The following NEK1 variants were observed in gnomAD, a reference collection of about 807,000 sequenced individuals.
NEK1 encodes serine/threonine-protein kinase Nek1.
Under a neutral mutation model 182.1 loss-of-function variants are expected in NEK1, and 137 were observed. That is an observed-to-expected ratio of 0.75 (90% CI 0.65 to 0.87). NEK1 has a LOEUF of 0.87. Ranked by LOEUF, NEK1 falls within the 40% of genes least tolerant of loss-of-function variation. The pLI is 0.00. For synonymous variants in NEK1, 513 were observed against 492.2 expected (o/e 1.04, Z -0.56); for missense variants, 1,391 against 1,494.4 (o/e 0.93, Z 1.14).
chr4:169,473,680 T>G (rs1579985096), intron 26 of NEK1, among the ~76,000 whole-genome samples: 1 of 151,374 alleles, frequency 6.6e-6, no homozygotes, highest in South Asian at 2.1e-4. Flanking sequence ...AGGCCAGGAG[T>G]TTGAGACCAG....
intron 29 of NEK1, among the ~76,000 whole-genome samples, chr4:169,430,015 A>C (rs1164319142): frequency 3.9e-5 from 6 of 152,192 alleles, no homozygotes; most frequent in African/African-American, 1.2e-4. Flanking sequence ...TATTTGTCCC[A>C]AAAGCAGGTA....
intron 11 of NEK1, among the ~76,000 whole-genome samples, chr4:169,580,328 C>T (rs1325545513): frequency 2.6e-5 from 4 of 151,676 alleles, no homozygotes; most frequent in Non-Finnish European, 4.4e-5. Context: ...GAAACCCCAT[C>T]TCTACTAAAA....
intron 19 of NEK1, among the ~76,000 whole-genome samples, chr4:169,514,100 C>T (rs1410503942): frequency 6.6e-6 from 1 of 151,940 alleles, no homozygotes; most frequent in East Asian, 1.9e-4. Flanking sequence ...ATTCTCCTGC[C>T]TGAGCCTCCT....
intron 12 of NEK1, among the ~76,000 whole-genome samples, chr4:169,567,014 T>C (rs953922181): frequency 1.3e-5 from 2 of 151,696 alleles, no homozygotes; most frequent in Non-Finnish European, 2.9e-5. Context: ...TGCTTGAGCC[T>C]GGGAGGTGGA....
At position 169,477,329 on chromosome 4, in the gene NEK1, T is replaced by A; in HGVS notation, c.2229A>T (p.Arg743Ser). 6.3e-7 allele frequency: 1 copy of A among 1,576,048 alleles called. No homozygotes were observed. The highest frequency in any genetic ancestry group is 8.6e-7 in the Non-Finnish European group (1 of 1,159,028). Reference protein sequence around the residue: ...AISSKREILRRLNENLKAQED... With the variant: ...AISSKREILRSLNENLKAQED... The stretch of plus-strand genomic sequence containing the variant: ...CTTGAGCTTTAAGATTTTCATTTAA[T>A]CTACGAAGTATTTCTCGCTTACTCT... Residue 743 changes from arginine (R) to serine (S), a missense_variant, in exon 26 of 36, where the codon AGA (arginine) becomes AGT (serine). Transcript: ENST00000507142.
chr4:169,446,194 A>G (rs1458921484), intron 27 of NEK1, among the ~76,000 whole-genome samples: 1 of 152,136 alleles, frequency 6.6e-6, no homozygotes, highest in East Asian at 1.9e-4. Flanking sequence ...AGAAGAAATA[A>G]TAATCAAGCA....
chr4:169,546,485 A>T (rs971954485), intron 18 of NEK1, among the ~76,000 whole-genome samples: 2 of 152,144 alleles, frequency 1.3e-5, no homozygotes, highest in Non-Finnish European at 2.9e-5. Flanking sequence ...AGTTCTGTAG[A>T]TGTCTATTAG....
At chr4:169,562,455 G>A (rs1248140780) in intron 12 of NEK1, among the ~76,000 whole-genome samples, 1 of 152,050 alleles carries the variant, frequency 6.6e-6, no homozygotes, top group Non-Finnish European at 1.5e-5. Context: ...AGGTATGGAT[G>A]TTTAAGTTTT....
chr4:169,603,634 T>C (rs1770848506), intron 2 of NEK1, among the ~76,000 whole-genome samples: 1 of 151,998 alleles, frequency 6.6e-6, no homozygotes, highest in South Asian at 2.1e-4. Context: ...ATGGGGAAAA[T>C]GGTGTTTCGT....
intron 12 of NEK1, among the ~76,000 whole-genome samples, chr4:169,569,099 A>T (rs539788264): frequency 9.2e-5 from 14 of 152,320 alleles, no homozygotes; most frequent in Non-Finnish European, 2.1e-4. Flanking sequence ...TAAAATACAT[A>T]CTTCACAGAA....
At position 169,477,129 on chromosome 4, in the gene NEK1, G is replaced by A; in HGVS notation, c.2429C>T (p.Thr810Ile). Residue 810 changes from threonine (T) to isoleucine (I), a missense_variant, in exon 26 of 36, where the codon ACT becomes ATT. Thr to Ile is a moderately conservative substitution (Grantham distance 89). Coordinates refer to ENST00000507142, the MANE Select transcript of NEK1 (RefSeq NM_001199397.3). ...ELTLDTSFSTTERHTVGEVIK... is the reference protein window; with the variant it reads ...ELTLDTSFSTIERHTVGEVIK... ...TAATATACTACTATACATACTTTCA[G>A]TTGTAGAGAAGGATGTATCTAGTGT... 1 of 1,585,280 alleles carries A rather than the reference G, an allele frequency of 6.3e-7. No individual in the cohort carries two copies. The highest frequency in any genetic ancestry group is 1.1e-5 in the South Asian group (1 of 87,402).
chr4:169,526,333 T>TA (rs1017032843), intron 19 of NEK1, among the ~76,000 whole-genome samples: 15 of 152,002 alleles, frequency 9.9e-5, no homozygotes, highest in African/African-American at 3.6e-4. Flanking sequence ...ACAAAAAGAT[T>TA]AAAAAATTAG....
At chr4:169,563,972 G>C (rs1182894915) in intron 12 of NEK1, among the ~76,000 whole-genome samples, 3 of 152,070 alleles carry the variant, frequency 2.0e-5, no homozygotes, top group Non-Finnish European at 4.4e-5. Context: ...TAAAATGCCT[G>C]ATTTTCCCCT....
At chr4:169,498,014 CT>C in intron 23 of NEK1, among the ~76,000 whole-genome samples, 1 of 152,212 alleles carries the variant, frequency 6.6e-6, no homozygotes, top group Admixed American at 6.5e-5. Context: ...GTGTTAAAGT[CT>C]TCCCATTATT....
chr4:169,484,164 A>C (rs1748628967), intron 23 of NEK1, among the ~76,000 whole-genome samples: 1 of 152,182 alleles, frequency 6.6e-6, no homozygotes, highest in Admixed American at 6.5e-5. Flanking sequence ...ATCAGTAATC[A>C]CTTCTCTACC....
intron 18 of NEK1, among the ~76,000 whole-genome samples, chr4:169,552,963 G>A (rs900998242): frequency 6.6e-6 from 1 of 152,150 alleles, no homozygotes; most frequent in African/African-American, 2.4e-5. Flanking sequence ...TGAAGTATTG[G>A]AAGATTGAAT....
At chr4:169,429,172 C>T (rs918256071) in intron 29 of NEK1, among the ~76,000 whole-genome samples, 6 of 152,022 alleles carry the variant, frequency 3.9e-5, no homozygotes, top group African/African-American at 7.2e-5. Flanking sequence ...TTTTGGTATA[C>T]GAAGGATACT....
At chr4:169,396,525 C>G (rs1427718828) in intron 35 of NEK1, among the ~76,000 whole-genome samples, 2 of 152,002 alleles carry the variant, frequency 1.3e-5, no homozygotes, top group Admixed American at 6.6e-5. Context: ...GGAATACTAT[C>G]AAATCGCTTA....
chr4:169,504,296 T>C (rs1395315243), intron 23 of NEK1, among the ~76,000 whole-genome samples: 3 of 152,156 alleles, frequency 2.0e-5, no homozygotes, highest in Admixed American at 1.3e-4. Flanking sequence ...TGTAAACTAG[T>C]ACAGCCACTT....
Sources: gnomAD v4.1 joint callset for allele counts (sites outside exome capture counted in the v4.1 genomes callset) on GRCh38, gnomAD v4.1.1 for gene constraint, MANE v1.5 for transcripts, NCBI Gene and HGNC (gene_info 2026-07-23, HGNC 2026-07-21) for gene names.